Variants in PTPRH observed in about 807,000 individuals in gnomAD.
PTPRH encodes receptor-type tyrosine-protein phosphatase H.
Under a neutral mutation model 130.2 loss-of-function variants are expected in PTPRH, and 113 were observed. The observed-to-expected ratio is 0.87, with a 90% CI of 0.75 to 1.01. The LOEUF (loss-of-function observed/expected upper bound fraction) is 1.01. PTPRH is among the 50% of genes least tolerant of loss of function. PTPRH has a pLI of 0.00. For synonymous variants in PTPRH, 556 were observed against 577.9 expected (o/e 0.96, Z 0.54); for missense variants, 1,430 against 1,425.0 (o/e 1.00, Z -0.06).
At chr19:55,200,990 A>G (rs1163115988) in intron 6 of PTPRH, among the ~76,000 whole-genome samples, 2 of 152,040 alleles carry the variant, frequency 1.3e-5, no homozygotes, top group Admixed American at 6.6e-5. Context: ...AAAATCTCCA[A>G]TGGAATAGCA....
chr19:55,197,149 G>A lies in PTPRH; in HGVS notation c.1958C>T (p.Ala653Val). The A allele has an allele frequency of 6.2e-7, 1 of 1,614,238 alleles. No individual in the cohort carries two copies. The highest frequency in any genetic ancestry group is 1.7e-5 in the Admixed American group (1 of 60,026). Reference protein sequence around the residue: ...FTVWAERNDVASSTQSLCAST... With the variant: ...FTVWAERNDVVSSTQSLCAST... ...CGCACAGAGGCTCTGCGTGGAACTG[G>A]CTACGTCATTCCTCTCTGCCCACAC... Residue 653 changes from alanine to valine, a missense_variant, in exon 9 of 20, where the codon GCC becomes GTC. By Grantham distance (64) the Ala-to-Val change is moderately conservative. Transcript: ENST00000376350.
intron 3 of PTPRH, 91 bp downstream of exon 3, chr19:55,206,598 T>A (rs1308985805): frequency 7.5e-7 from 1 of 1,327,002 alleles, no homozygotes; most frequent in East Asian, 2.4e-5. Flanking sequence ...TCTATCCAAC[T>A]AAAGAACCTG....
rs1211645314 is a variant in PTPRH, at chr19:55,185,524, C to T, written c.3040G>A (p.Gly1014Ser). 1.9e-6 allele frequency: 3 copies of T among 1,614,026 alleles called. No homozygotes were observed. The African/African-American group carries it at 4.0e-5, about 22-fold the overall frequency. Reference protein sequence around the residue: ...RQWLDQTMEGGPPIVHCSAGV... With the variant: ...RQWLDQTMEGSPPIVHCSAGV... Reference sequence around the variant, plus strand: ...CACCTGCAGTGCACAATGGGTGGGCCTCCCTCCATGGTCTGATCCAGCCAC... The same window carrying T: ...CACCTGCAGTGCACAATGGGTGGGCTTCCCTCCATGGTCTGATCCAGCCAC... Residue 1014 changes from glycine to serine, a missense_variant, in exon 18 of 20, where the codon GGC (glycine) becomes AGC (serine). Gly to Ser is a moderately conservative substitution (Grantham distance 56). Transcript: ENST00000376350.
rs772550690 is a variant in PTPRH at position 55,206,791 on chromosome 19, C to T, written c.250G>A (p.Val84Ile). 1.5e-5 allele frequency: 25 copies of T among 1,614,060 alleles called. No homozygotes were observed. The highest frequency in any genetic ancestry group is 5.0e-5 in the Admixed American group (3 of 60,010). ...TETRNTTATNVTVDGLGPGSL... is the reference protein window; with the variant it reads ...TETRNTTATNITVDGLGPGSL... ...CCGGGTCCAAGGCCATCCACGGTGA[C>T]GTTGGTGGCTGTTGTGTTTCGAGTC... is the stretch of plus-strand genomic sequence containing the variant. Residue 84 changes from valine to isoleucine, a missense_variant, in exon 3 of 20, where the codon GTC becomes ATC. Transcript: ENST00000376350.
At chr19:55,200,623 C>T in intron 6 of PTPRH, 121 bp from the exon 7 acceptor site, 3 of 1,110,866 alleles carry the variant, frequency 2.7e-6, no homozygotes, top group Non-Finnish European at 3.9e-6. Flanking sequence ...CCAGCAGATG[C>T]AGGGTGTATG....
At chr19:55,200,091 G>C in intron 7 of PTPRH, 145 bp downstream of exon 7, 2 of 954,706 alleles carry the variant, frequency 2.1e-6, no homozygotes, top group Non-Finnish European at 3.1e-6. Context: ...CCCCAGCTGT[G>C]ATTACATCTG....
Position 55,197,147 on chromosome 19 carries a change from T to C in PTPRH, c.1960A>G (p.Ser654Gly). The stretch of plus-strand genomic sequence containing the variant: ...GACGCACAGAGGCTCTGCGTGGAAC[T>C]GGCTACGTCATTCCTCTCTGCCCAC... Reference protein sequence around the residue: ...TVWAERNDVASSTQSLCASTY... With the variant: ...TVWAERNDVAGSTQSLCASTY... Residue 654 changes from serine to glycine, a missense_variant, in exon 9 of 20, where the codon AGT (serine) becomes GGT (glycine). By Grantham distance (56) the Ser-to-Gly change is moderately conservative (BLOSUM62 0). Coordinates refer to ENST00000376350, the MANE Select transcript of PTPRH (RefSeq NM_002842.5). 6.2e-7 allele frequency: 1 copy of C among 1,614,246 alleles called. No homozygotes were observed. Among genetic ancestry groups the C allele is most frequent in the Non-Finnish European group, 8.5e-7 (1 of 1,180,050 alleles).
intron 10 of PTPRH, among the ~76,000 whole-genome samples, chr19:55,195,677 G>C (rs941088997): frequency 2.0e-5 from 3 of 152,136 alleles, no homozygotes; most frequent in African/African-American, 7.2e-5. Context: ...GGGCTCAAGT[G>C]ATCCTTCTGA....
In PTPRH at chr19:55,202,644, C is replaced by CAT. The variant is rs1164288541; in HGVS notation, c.887-324_887-323dup. ...ACACATACACATATATATACACACA[C>CAT]ATATATATACATACACATATATATA... On this transcript the variant is annotated intron_variant, in intron 5 of 19. Coordinates refer to ENST00000376350, the MANE Select transcript of PTPRH (RefSeq NM_002842.5). Among the ~76,000 whole-genome samples the CAT allele has an allele frequency of 8.6e-5, 13 of 151,662 alleles. No homozygotes were observed. In the East Asian group the frequency reaches 2.3e-3, roughly 27 times the overall value.
At chr19:55,189,669 T>C (rs1032792302) in intron 12 of PTPRH, 3 of 456,092 alleles carry the variant, frequency 6.6e-6, no homozygotes, top group Non-Finnish European at 8.8e-6. Context: ...TTAGCAAAGC[T>C]TTCCTTGAAT....
chr19:55,187,446 A>C (rs1468846470), intron 14 of PTPRH, 67 bp downstream of exon 14: 1 of 1,290,242 alleles, frequency 7.8e-7, no homozygotes, highest in African/African-American at 1.5e-5. Flanking sequence ...GGGTAGGAGA[A>C]GGGGACTGGG....
chr19:55,182,452 G>C (rs1272278812), intron 18 of PTPRH, among the ~76,000 whole-genome samples: 1 of 152,170 alleles, frequency 6.6e-6, no homozygotes, highest in Non-Finnish European at 1.5e-5. Context: ...GAACCCAGGA[G>C]GTGGAGGTTG....
chr19:55,187,639 A>G, intron 13 of PTPRH, 36 bp from the exon 14 acceptor site: 1 of 1,511,164 alleles, frequency 6.6e-7, no homozygotes, highest in Non-Finnish European at 9.2e-7. Context: ...CTGGTGTTGG[A>G]TTTTCTCTAC....
At position 55,181,900 on chromosome 19, in the gene PTPRH, G is replaced by A. The variant is rs1192484615; in HGVS notation, c.3202C>T (p.Gln1068Ter). ...SRPLMVQTEA[Q>*]YVFLHQCILR... is the part of the protein sequence containing the mutation. ...ATGCACTGATGCAGGAATACGTACTGAGCCTGGGAAGCAGGCACGGGAGTG... is the reference window on the plus strand; with the variant it reads ...ATGCACTGATGCAGGAATACGTACTAAGCCTGGGAAGCAGGCACGGGAGTG... The change falls in exon 20 of 20, where the codon CAG becomes TAG. Residue 1068 changes from glutamine to a stop codon, truncating the protein, a stop_gained. Coordinates refer to ENST00000376350, the MANE Select transcript of PTPRH (RefSeq NM_002842.5). LOFTEE classifies it low-confidence loss of function (END_TRUNC). 12 of 1,614,110 alleles carry A rather than the reference G, an allele frequency of 7.4e-6. No homozygotes were observed. In the East Asian group the frequency reaches 2.4e-4, roughly 33 times the overall value.
intron 5 of PTPRH, 49 bp from the exon 6 acceptor site, chr19:55,202,371 A>C (rs12462430): frequency 6.2e-7 from 1 of 1,603,520 alleles, no homozygotes; most frequent in East Asian, 2.2e-5. Context: ...CTGGCCCTCA[A>C]ACTTTCCAGC....
intron 10 of PTPRH, among the ~76,000 whole-genome samples, chr19:55,193,385 G>A (rs947282753): frequency 5.9e-5 from 9 of 151,794 alleles, no homozygotes; most frequent in African/African-American, 9.7e-5. Flanking sequence ...GGGCATGATC[G>A]TATCACTGCA....
In PTPRH at chr19:55,196,641, C is replaced by A. The variant is rs201897306; in HGVS notation, c.2138G>T (p.Gly713Val). 1 of 1,614,102 alleles carries A rather than the reference C, an allele frequency of 6.2e-7. No individual in the cohort carries two copies. The highest frequency in any genetic ancestry group is 2.2e-5 in the East Asian group (1 of 44,864). ...QRGSQDRSSC[G>V]EAVSVLGLGP... The stretch of plus-strand genomic sequence containing the variant: ...GAGACCCAACACAGACACAGCCTCC[C>A]CACATGAAGATCTGTCCTGGGAGCC... Residue 713 changes from glycine (G) to valine (V), a missense_variant, in exon 10 of 20, where the codon GGG becomes GTG. Transcript: ENST00000376350.
In PTPRH at chr19:55,181,869, C is replaced by A; in HGVS notation, c.3233G>T (p.Arg1078Leu). Reference sequence around the variant, plus strand: ...GGCCTGGGCTGACTGTTGGAGGAACCGCAGGATGCACTGATGCAGGAATAC... The same window carrying A: ...GGCCTGGGCTGACTGTTGGAGGAACAGCAGGATGCACTGATGCAGGAATAC... ...QYVFLHQCILRFLQQSAQAPA... is the reference protein window; with the variant it reads ...QYVFLHQCILLFLQQSAQAPA... The change falls in exon 20 of 20, where the codon CGG (arginine) becomes CTG (leucine). Residue 1078 changes from arginine to leucine, a missense_variant. Physicochemically the swap from Arg to Leu is moderately radical, Grantham distance 102. Transcript: ENST00000376350. The A allele has an allele frequency of 6.2e-7, 1 of 1,614,170 alleles. No individual in the cohort carries two copies. The highest frequency in any genetic ancestry group is 8.5e-7 in the Non-Finnish European group (1 of 1,180,014).
chr19:55,196,972 A>C, intron 9 of PTPRH, 145 bp downstream of exon 9: 1 of 1,191,332 alleles, frequency 8.4e-7, no homozygotes, highest in Non-Finnish European at 1.2e-6. Context: ...TACAACTCCC[A>C]TGAGGCCTTG....
Sources: allele counts gnomAD v4.1 joint callset (sites outside exome capture counted in the v4.1 genomes callset), GRCh38; gene constraint gnomAD v4.1.1; transcripts MANE v1.5; gene names NCBI Gene and HGNC (gene_info 2026-07-23, HGNC 2026-07-21).